Variants in LRRC4C observed in about 807,000 individuals in gnomAD.
LRRC4C encodes leucine-rich repeat-containing protein 4C.
LRRC4C carries 5 observed loss-of-function variants against 33.6 expected under a neutral mutation model. That is an observed-to-expected ratio of 0.15 (90% CI 0.08 to 0.31). LRRC4C has a LOEUF of 0.31. Ranked by LOEUF, LRRC4C falls within the 10% of genes least tolerant of loss-of-function variation. LRRC4C has a pLI of 1.00. For synonymous variants in LRRC4C, 329 were observed against 302.0 expected, an observed-to-expected ratio of 1.09 and a Z score of -0.93; for missense variants, 560 against 796.7, an observed-to-expected ratio of 0.70 and a Z score of 3.58.
chr11:40,404,915 TTAAA>T (rs1221383276), intron 3 of LRRC4C, among the ~76,000 whole-genome samples: 2 of 151,946 alleles, frequency 1.3e-5, no homozygotes, highest in African/African-American at 4.8e-5. Flanking sequence ...ATCCATCATC[TTAAA>T]TAGTTTCCTA....
chr11:40,413,689 C>A (rs1285644023), intron 3 of LRRC4C, among the ~76,000 whole-genome samples: 1 of 152,054 alleles, frequency 6.6e-6, no homozygotes, highest in African/African-American at 2.4e-5. Flanking sequence ...AATAAATATG[C>A]AGAAGATATT....
chr11:40,269,747 C>T (rs531071544), intron 4 of LRRC4C, among the ~76,000 whole-genome samples: 52 of 142,016 alleles, frequency 3.7e-4, no homozygotes, highest in African/African-American at 1.3e-3. Context: ...AAGGGATATA[C>T]ATTTTTTATC....
intron 3 of LRRC4C, among the ~76,000 whole-genome samples, chr11:40,380,812 C>T (rs1948834542): frequency 1.3e-5 from 2 of 152,122 alleles, no homozygotes; most frequent in Admixed American, 6.5e-5. Context: ...AATATTATTG[C>T]TGTGAACAGA....
intron 3 of LRRC4C, among the ~76,000 whole-genome samples, chr11:40,444,936 G>A (rs1394688024): frequency 6.6e-6 from 1 of 152,166 alleles, no homozygotes; most frequent in African/African-American, 2.4e-5. Flanking sequence ...GGGAATAGAG[G>A]TGGGAAGACC....
intron 2 of LRRC4C, among the ~76,000 whole-genome samples, chr11:40,811,692 T>G (rs1951497520): frequency 6.6e-6 from 1 of 152,130 alleles, no homozygotes; most frequent in Non-Finnish European, 1.5e-5. Context: ...GAGAAGGGTT[T>G]CACCATGTTG....
At chr11:41,262,668 A>G (rs566768153) in intron 1 of LRRC4C, among the ~76,000 whole-genome samples, 46 of 152,234 alleles carry the variant, frequency 3.0e-4, no homozygotes, top group African/African-American at 1.0e-3. Flanking sequence ...ATTTTATTTT[A>G]GATATTCAAC....
rs143774339 is a variant in LRRC4C at position 40,126,946 on chromosome 11, C to T, written c.-42-10612G>A. 1.0e-4 allele frequency among the ~76,000 whole-genome samples: 15 copies of T among 146,618 alleles called. No individual in the cohort carries two copies. In the East Asian group the frequency reaches 2.2e-3, roughly 22 times the overall value. On this transcript the variant is annotated intron_variant, in intron 6 of 6. Coordinates refer to ENST00000528697, the MANE Select transcript of LRRC4C (RefSeq NM_001258419.2). ...TTGCACTCCAGCCTGGGTGACAGAGCGAAACTTTGTCTCAAAAAAAAAAAA... is the reference window on the plus strand; with the variant it reads ...TTGCACTCCAGCCTGGGTGACAGAGTGAAACTTTGTCTCAAAAAAAAAAAA...
intron 2 of LRRC4C, among the ~76,000 whole-genome samples, chr11:40,697,834 C>T (rs7941709): frequency 0.43 from 65,000 of 151,848 alleles, 16,451 homozygotes; most frequent in Non-Finnish European, 0.55. Flanking sequence ...CTTCGAGAGG[C>T]CAAGGCGGGT....
At chr11:40,136,487 A>G (rs558256073) in intron 6 of LRRC4C, among the ~76,000 whole-genome samples, 109 of 147,924 alleles carry the variant, frequency 7.4e-4, no homozygotes, top group Middle Eastern at 3.6e-3. Flanking sequence ...CATGTTAGCC[A>G]GGAGGGTCTC....
intron 2 of LRRC4C, among the ~76,000 whole-genome samples, chr11:40,771,124 C>T (rs1344281689): frequency 6.6e-6 from 1 of 152,220 alleles, no homozygotes; most frequent in Non-Finnish European, 1.5e-5. Context: ...GAAGGCCTTG[C>T]TCCTGCAGCA....
At chr11:40,946,082 T>A (rs1206680515) in intron 1 of LRRC4C, among the ~76,000 whole-genome samples, 1 of 152,128 alleles carries the variant, frequency 6.6e-6, no homozygotes, top group Non-Finnish European at 1.5e-5. Flanking sequence ...CCCTTGTTTC[T>A]CTCCTGCCCT....
chr11:40,149,034 A>T (rs1409211344), intron 5 of LRRC4C, among the ~76,000 whole-genome samples: 2 of 151,980 alleles, frequency 1.3e-5, no homozygotes, highest in Non-Finnish European at 2.9e-5. Flanking sequence ...TGTTCCATTA[A>T]TGTGTCTGTT....
chr11:41,075,263 T>C (rs1405267082), intron 1 of LRRC4C, among the ~76,000 whole-genome samples: 6 of 151,928 alleles, frequency 3.9e-5, no homozygotes. Context: ...AGGGTGACAA[T>C]TGCCAATAAC....
chr11:40,453,553 A>G (rs1013142650), intron 3 of LRRC4C, among the ~76,000 whole-genome samples: 1 of 151,608 alleles, frequency 6.6e-6, no homozygotes, highest in African/African-American at 2.4e-5. Flanking sequence ...AGAGGAGGAC[A>G]TTTCTATCTC....
intron 1 of LRRC4C, among the ~76,000 whole-genome samples, chr11:41,205,150 G>A (rs191432354): frequency 1.4e-4 from 22 of 152,214 alleles, no homozygotes; most frequent in Admixed American, 1.4e-3. Context: ...AGTGTGACTG[G>A]AACAGAATGA....
chr11:41,408,747 T>TAAAAAA (rs35914452), intron 1 of LRRC4C, among the ~76,000 whole-genome samples: 1 of 131,778 alleles, frequency 7.6e-6, no homozygotes, highest in African/African-American at 3.2e-5. Flanking sequence ...TATATTTTTG[T>TAAAAAA]AAAAAAAAAA....
At chr11:40,807,940 A>G (rs887742118) in intron 2 of LRRC4C, among the ~76,000 whole-genome samples, 5 of 152,162 alleles carry the variant, frequency 3.3e-5, no homozygotes, top group Admixed American at 3.3e-4. Flanking sequence ...ATTTTTGATT[A>G]TTTTGGAAAA....
intron 1 of LRRC4C, among the ~76,000 whole-genome samples, chr11:40,968,368 G>A (rs1332916044): frequency 1.1e-4 from 16 of 152,152 alleles, no homozygotes; most frequent in Admixed American, 1.0e-3. Flanking sequence ...AAGCGCTAAT[G>A]TAGAAGCTGT....
At chr11:40,566,228 G>T (rs1173372045) in intron 3 of LRRC4C, among the ~76,000 whole-genome samples, 2 of 149,534 alleles carry the variant, frequency 1.3e-5, no homozygotes, top group Non-Finnish European at 1.5e-5. Context: ...ATATTCAATT[G>T]GATTTGCTCA....
Sources: gnomAD v4.1 joint callset for allele counts (sites outside exome capture counted in the v4.1 genomes callset) on GRCh38, gnomAD v4.1.1 for gene constraint, MANE v1.5 for transcripts, NCBI Gene and HGNC (gene_info 2026-07-23, HGNC 2026-07-21) for gene names.